IMPA2: variants seen among roughly 807,000 people sequenced by gnomAD.
The protein encoded by IMPA2 is IMP 2.
IMPA2 carries 32 observed loss-of-function variants against 35.1 expected under a neutral mutation model. The observed-to-expected ratio is 0.91, with a 90% CI of 0.69 to 1.23. The LOEUF (loss-of-function observed/expected upper bound fraction) is 1.23, where lower values mean the gene tolerates loss of function less well. Among genes scored for constraint, IMPA2 ranks in the 50% most tolerant of loss-of-function variants. The pLI, the probability that IMPA2 is intolerant of heterozygous loss-of-function variation, is 0.00. For synonymous variants in IMPA2, 135 were observed against 160.6 expected (o/e 0.84, Z 1.20); for missense variants, 334 against 387.6 (o/e 0.86, Z 1.16).
chr18:12,011,147 C>T (rs1471243991), intron 3 of IMPA2, among the ~76,000 whole-genome samples: 1 of 152,202 alleles, frequency 6.6e-6, no homozygotes, highest in African/African-American at 2.4e-5. Context: ...TCAGTGGCTC[C>T]AGAGACATAG....
Position 11,985,677 on chromosome 18 carries a change from A to T in IMPA2, c.96+3912A>T, listed in dbSNP as rs550517596. Among the ~76,000 whole-genome samples the T allele has an allele frequency of 6.6e-5, 10 of 152,180 alleles. No homozygotes were observed. In the South Asian group the frequency reaches 2.1e-3, roughly 32 times the overall value. On this transcript the variant is annotated intron_variant, in intron 1 of 7. Transcript: ENST00000269159. ...CAGTGCCAGTGTCTGTGTCCACCTC[A>T]TGTGCTCCTCTGGTCCTGTATGTTT...
At chr18:12,013,637 G>A (rs555204669) in intron 4 of IMPA2, among the ~76,000 whole-genome samples, 6 of 152,326 alleles carry the variant, frequency 3.9e-5, no homozygotes, top group African/African-American at 7.2e-5. Context: ...AGAGGCACGC[G>A]GCCGTGGGCT....
intron 6 of IMPA2, 105 bp downstream of exon 6, chr18:12,028,256 A>C (rs1261490710): frequency 1.9e-5 from 14 of 737,038 alleles, no homozygotes; most frequent in Non-Finnish European, 2.1e-5. Context: ...TGACGTGGAA[A>C]GAGTGGGAGG....
chr18:12,012,173 C>G lies in IMPA2; in HGVS notation c.339C>G (p.Phe113Leu). The G allele has an allele frequency of 6.2e-7, 1 of 1,614,152 alleles. No homozygotes were observed. The highest frequency in any genetic ancestry group is 2.2e-5 in the East Asian group (1 of 44,878). The part of the protein sequence containing the change: ...IDGTCNFVHR[F>L]PTVAVSIGFA... ...ACCTTTCTATTTTCCTTTGCAGATT[C>G]CCGACTGTGGCGGTTAGCATTGGAT... The change falls in exon 4 of 8, where the codon TTC (phenylalanine) becomes TTG (leucine). Residue 113 changes from phenylalanine (F) to leucine (L), a missense_variant. By Grantham distance (22) the Phe-to-Leu change is conservative (BLOSUM62 0). Transcript: ENST00000269159.
At chr18:12,001,596 C>G (rs142104210) in intron 2 of IMPA2, among the ~76,000 whole-genome samples, 1 of 152,118 alleles carries the variant, frequency 6.6e-6, no homozygotes, top group Non-Finnish European at 1.5e-5. Flanking sequence ...TTTAGATACT[C>G]GCTGTTGTGT....
intron 1 of IMPA2, among the ~76,000 whole-genome samples, chr18:11,985,385 G>A: frequency 6.6e-6 from 1 of 152,158 alleles, no homozygotes; most frequent in East Asian, 1.9e-4. Flanking sequence ...TAATGATTTT[G>A]TAATACTTTA....
intron 5 of IMPA2, among the ~76,000 whole-genome samples, chr18:12,026,194 T>C (rs1907877959): frequency 6.6e-6 from 1 of 151,958 alleles, no homozygotes; most frequent in Admixed American, 6.6e-5. Flanking sequence ...CCACCATGCC[T>C]GGCTAATTTT....
intron 1 of IMPA2, among the ~76,000 whole-genome samples, chr18:11,987,137 G>C (rs1449700924): frequency 6.6e-6 from 1 of 152,124 alleles, no homozygotes; most frequent in Non-Finnish European, 1.5e-5. Flanking sequence ...AAGCCCAAGA[G>C]GGCTTATTAA....
chr18:12,009,411 C>T (rs1024881792), intron 2 of IMPA2, among the ~76,000 whole-genome samples: 29 of 152,242 alleles, frequency 1.9e-4, no homozygotes, highest in African/African-American at 3.1e-4. Flanking sequence ...TGGGTACAGA[C>T]GTGGGAGATC....
At chr18:12,008,650 G>A (rs1178439926) in intron 2 of IMPA2, 2 of 433,246 alleles carry the variant, frequency 4.6e-6, no homozygotes, top group African/African-American at 2.0e-5. Flanking sequence ...CCTGCGTGTG[G>A]GTGGGGTGCA....
chr18:12,019,027 G>A (rs745373834), intron 5 of IMPA2, among the ~76,000 whole-genome samples: 1 of 151,862 alleles, frequency 6.6e-6, no homozygotes, highest in Non-Finnish European at 1.5e-5. Flanking sequence ...GGTCTCGATA[G>A]GTTTCCCAGG....
intron 1 of IMPA2, among the ~76,000 whole-genome samples, chr18:11,986,930 T>C (rs1906683663): frequency 6.6e-6 from 1 of 152,240 alleles, no homozygotes; most frequent in Non-Finnish European, 1.5e-5. Context: ...CGGCAGTGTA[T>C]TCCTTTCTTT....
rs779324354 is a variant in IMPA2, at chr18:12,030,591, C to T, written c.*133C>T. 9.6e-5 allele frequency: 62 copies of T among 645,248 alleles called. No individual in the cohort carries two copies. Among genetic ancestry groups the T allele is most frequent in the Non-Finnish European group, 1.5e-4 (55 of 366,242 alleles). 40.0% of individuals were successfully genotyped at this position (645,248 alleles called of 1,614,324 possible). A position where few individuals can be genotyped will look rare whatever the true frequency, so the allele number is the denominator to read the frequency against. On this transcript the variant is annotated 3_prime_UTR_variant, in exon 8 of 8. Transcript: ENST00000269159. ...CTGGCTACCCCAGAGGGAGTTGTCACGCTACAGTGAGTGGCTGGCCTTTTA... is the reference window on the plus strand; with the variant it reads ...CTGGCTACCCCAGAGGGAGTTGTCATGCTACAGTGAGTGGCTGGCCTTTTA...
At chr18:11,984,577 A>G (rs1325322049) in intron 1 of IMPA2, among the ~76,000 whole-genome samples, 1 of 152,076 alleles carries the variant, frequency 6.6e-6, no homozygotes, top group Non-Finnish European at 1.5e-5. Context: ...TGGTGGCTGA[A>G]GCCTGTAATC....
chr18:12,027,326 TG>T (rs1185405026), intron 5 of IMPA2, among the ~76,000 whole-genome samples: 3 of 152,212 alleles, frequency 2.0e-5, no homozygotes, highest in African/African-American at 7.2e-5. Context: ...CCTCGCCTGC[TG>T]TTACATAAAC....
chr18:12,013,902 G>T (rs927601144), intron 4 of IMPA2, among the ~76,000 whole-genome samples: 16 of 152,298 alleles, frequency 1.1e-4, no homozygotes, highest in Non-Finnish European at 2.2e-4. Context: ...GTGGGGTTTG[G>T]TTAGAGTCAC....
Position 12,030,327 on chromosome 18 carries a change from C to G in IMPA2, c.752-16C>G, listed in dbSNP as rs199640192. The G allele has an allele frequency of 1.1e-5, 18 of 1,607,690 alleles. No homozygotes were observed. The highest frequency in any genetic ancestry group is 4.5e-5 in the East Asian group (2 of 44,858). ...TCTGGTAACCCGGATGCCTGGCTCTCTCTGTCTGTCCCCAGGTGGACCCCT... is the reference window on the plus strand; with the variant it reads ...TCTGGTAACCCGGATGCCTGGCTCTGTCTGTCTGTCCCCAGGTGGACCCCT... On this transcript the variant is annotated splice_polypyrimidine_tract_variant and intron_variant, in intron 7 of 7. Coordinates refer to ENST00000269159, the MANE Select transcript of IMPA2 (RefSeq NM_014214.3).
chr18:12,029,072 C>A (rs908627223), intron 7 of IMPA2, 79 bp downstream of exon 7: 3 of 1,271,490 alleles, frequency 2.4e-6, no homozygotes, highest in African/African-American at 3.1e-5. Context: ...CCTGAAGTCC[C>A]CACCAACTGA....
chr18:12,003,517 G>A (rs1907169443), intron 2 of IMPA2, among the ~76,000 whole-genome samples: 2 of 151,862 alleles, frequency 1.3e-5, no homozygotes, highest in African/African-American at 4.8e-5. Flanking sequence ...GGGCCATGGT[G>A]GCGCATGCCT....
Sources: gnomAD v4.1 joint callset for allele counts (sites outside exome capture counted in the v4.1 genomes callset) on GRCh38, gnomAD v4.1.1 for gene constraint, MANE v1.5 for transcripts, NCBI Gene and HGNC (gene_info 2026-07-23, HGNC 2026-07-21) for gene names.